The following ZMYM6 variants were observed in gnomAD, a reference collection of about 807,000 sequenced individuals.
The protein encoded by ZMYM6 is zinc finger MYM-type protein 6.
A neutral mutation model predicts 134.0 loss-of-function variants in ZMYM6; 90 were observed. The observed-to-expected ratio is 0.67, with a 90% CI of 0.57 to 0.80. The LOEUF (loss-of-function observed/expected upper bound fraction) is 0.80. Among genes scored for constraint, ZMYM6 ranks in the 30% least tolerant of loss-of-function variants. ZMYM6 has a pLI of 0.00. For synonymous variants in ZMYM6, 481 were observed against 524.1 expected (o/e 0.92, Z 1.12); for missense variants, 1,362 against 1,533.9 (o/e 0.89, Z 1.87).
At chr1:35,023,623 A>AT (rs1283993901) in intron 2 of ZMYM6, among the ~76,000 whole-genome samples, 8,148 of 143,110 alleles carry the variant, frequency 0.057, 662 homozygotes, top group African/African-American at 0.18. Flanking sequence ...ATTCAATAAA[A>AT]TTTTTTTTTT....
chr1:35,028,231 G>A (rs929703611), intron 2 of ZMYM6, among the ~76,000 whole-genome samples: 2 of 150,820 alleles, frequency 1.3e-5, no homozygotes, highest in African/African-American at 2.4e-5. Flanking sequence ...CAGGAGAATC[G>A]CTTGAACCTG....
intron 12 of ZMYM6, among the ~76,000 whole-genome samples, chr1:35,006,344 C>G (rs1640966403): frequency 6.6e-6 from 1 of 152,130 alleles, no homozygotes; most frequent in Non-Finnish European, 1.5e-5. Context: ...GAAAGAAATA[C>G]TTAGGAGAGC....
intron 11 of ZMYM6, 104 bp downstream of exon 11, chr1:35,008,648 A>G: frequency 8.4e-7 from 1 of 1,189,170 alleles, no homozygotes. Context: ...TATTTTATCC[A>G]GTGCTAAACA....
At chr1:35,001,098 T>C (rs913484767) in intron 14 of ZMYM6, among the ~76,000 whole-genome samples, 10 of 152,212 alleles carry the variant, frequency 6.6e-5, no homozygotes, top group African/African-American at 9.6e-5. Flanking sequence ...GTTTAAAATA[T>C]TTACTATCTA....
chr1:35,007,874 AG>A (rs1445763470), intron 11 of ZMYM6, among the ~76,000 whole-genome samples: 5 of 152,156 alleles, frequency 3.3e-5, no homozygotes, highest in Admixed American at 3.3e-4. Flanking sequence ...CAATGAAAAA[AG>A]TAAGTAAAAA....
intron 6 of ZMYM6, among the ~76,000 whole-genome samples, chr1:35,013,948 C>T (rs539309126): frequency 6.6e-6 from 1 of 152,292 alleles, no homozygotes; most frequent in South Asian, 2.1e-4. Flanking sequence ...CCTTGACCTC[C>T]CAAAGTGCTG....
intron 12 of ZMYM6, among the ~76,000 whole-genome samples, 183 bp from the exon 13 acceptor site, chr1:35,005,455 A>G (rs527850744): frequency 6.6e-6 from 1 of 152,192 alleles, no homozygotes; most frequent in East Asian, 1.9e-4. Context: ...GGACTTAAAG[A>G]GAGTCCAATT....
rs1370851415 is a variant in ZMYM6 at position 35,011,997 on chromosome 1, C to G, written c.955G>C (p.Val319Leu). The G allele has an allele frequency of 2.5e-6, 4 of 1,595,426 alleles. No homozygotes were observed. The highest frequency in any genetic ancestry group is 3.4e-6 in the Non-Finnish European group (4 of 1,169,602). The part of the protein sequence containing the change: ...VKTVTSSGVQ[V>L]SCHSCKTSAI... ...GAGGTTTTACAACTATGACATGAAA[C>G]CTGGACACCTTGGTGACAAAAAATT... The change falls in exon 8 of 16, where the codon GTT becomes CTT. Residue 319 changes from valine (V) to leucine (L), a missense_variant. By Grantham distance (32) the Val-to-Leu change is conservative. This residue lies in a region of ZMYM6 where 503 missense variants were observed against 520.8 expected (regional missense o/e 0.97). Transcript: ENST00000357182.
intron 9 of ZMYM6, 60 bp from the exon 10 acceptor site, chr1:35,010,657 T>G (rs1329417588): frequency 6.4e-7 from 1 of 1,553,970 alleles, no homozygotes; most frequent in Non-Finnish European, 8.6e-7. Context: ...CTTTAAGAAC[T>G]CCTTTTCATG....
In ZMYM6 at chr1:35,004,963, C is replaced by G. The variant is rs376670444; in HGVS notation, c.1954+169G>C. Among the ~76,000 whole-genome samples the G allele has an allele frequency of 6.0e-4, 92 of 152,218 alleles. 3 individuals are homozygous for G. The East Asian group carries it at 0.018, about 29-fold the overall frequency. ...ATCCCAGCTACTCGGGAGGCTGAGG[C>G]AGGAGAATTGCTTGAACCCAGGAGG... is the stretch of plus-strand genomic sequence containing the variant. On this transcript the variant is annotated intron_variant, in intron 13 of 15. Transcript: ENST00000357182.
intron 7 of ZMYM6, 51 bp from the exon 8 acceptor site, chr1:35,012,056 C>A: frequency 3.5e-6 from 4 of 1,159,266 alleles, no homozygotes; most frequent in East Asian, 2.4e-5. Context: ...AATGAACAAA[C>A]AATACAAAAA....
intron 3 of ZMYM6, 64 bp downstream of exon 3, chr1:35,020,319 C>A: frequency 6.9e-7 from 1 of 1,439,342 alleles, no homozygotes; most frequent in Non-Finnish European, 9.5e-7. Flanking sequence ...GATGCTTTCC[C>A]TCAATTTTAA....
At chr1:35,028,339 C>T (rs1641452835) in intron 2 of ZMYM6, among the ~76,000 whole-genome samples, 1 of 151,272 alleles carries the variant, frequency 6.6e-6, no homozygotes, top group Non-Finnish European at 1.5e-5. Flanking sequence ...AGGAATGATA[C>T]TGCCTGTGAG....
intron 13 of ZMYM6, among the ~76,000 whole-genome samples, 173 bp from the exon 14 acceptor site, chr1:35,004,178 G>A (rs999988326): frequency 6.6e-6 from 1 of 152,140 alleles, no homozygotes; most frequent in African/African-American, 2.4e-5. Context: ...ATAACGGTAA[G>A]GATTCCAGGG....
At chr1:34,991,911 G>A (rs937943430) in intron 15 of ZMYM6, among the ~76,000 whole-genome samples, 5 of 151,740 alleles carry the variant, frequency 3.3e-5, no homozygotes, top group African/African-American at 9.7e-5. Flanking sequence ...AATTTTCATC[G>A]TCACCAATAC....
At position 34,988,015 on chromosome 1, in the gene ZMYM6, A is replaced by T; in HGVS notation, c.3067T>A (p.Ser1023Thr). ...HRERLVAEKL[S>T]PCLHKILLQS... Reference sequence around the variant, plus strand: ...AAAAGAATTTTATGTAAACATGGAGACAACTTTTCTGCCACTAAACGTTCA... The same window carrying T: ...AAAAGAATTTTATGTAAACATGGAGTCAACTTTTCTGCCACTAAACGTTCA... The change falls in exon 16 of 16, where the codon TCT becomes ACT. Residue 1023 changes from serine to threonine, a missense_variant. Around this residue, in one of 3 missense-constraint regions of ZMYM6, gnomAD observed 824 missense variants for 940.9 expected, o/e 0.88. Coordinates refer to ENST00000357182, the MANE Select transcript of ZMYM6 (RefSeq NM_007167.4). 1 of 1,551,418 alleles carries T rather than the reference A, an allele frequency of 6.4e-7. No individual in the cohort carries two copies. Among genetic ancestry groups the T allele is most frequent in the Non-Finnish European group, 8.7e-7 (1 of 1,146,866 alleles).
At chr1:35,001,419 T>C (rs923465349) in intron 14 of ZMYM6, among the ~76,000 whole-genome samples, 1 of 152,018 alleles carries the variant, frequency 6.6e-6, no homozygotes, top group African/African-American at 2.4e-5. Flanking sequence ...GGAAAACATA[T>C]ATAGGGCAGC....
At chr1:35,015,739 A>AT (rs1246698330) in intron 4 of ZMYM6, among the ~76,000 whole-genome samples, 136 of 123,324 alleles carry the variant, frequency 1.1e-3, no homozygotes, top group African/African-American at 6.6e-3. Flanking sequence ...AAAAAAAAAA[A>AT]AAAAATATAT....
intron 14 of ZMYM6, among the ~76,000 whole-genome samples, chr1:34,999,551 GA>G (rs989666588): frequency 2.0e-5 from 3 of 152,088 alleles, no homozygotes; most frequent in Non-Finnish European, 4.4e-5. Flanking sequence ...CCAGATTACA[GA>G]GAGACCACCT....
Sources: gnomAD v4.1 joint callset for allele counts (sites outside exome capture counted in the v4.1 genomes callset) on GRCh38, gnomAD v4.1.1 for gene constraint, gnomAD v4.1.1 regional missense constraint, MANE v1.5 for transcripts, NCBI Gene and HGNC (gene_info 2026-07-23, HGNC 2026-07-21) for gene names.